The following CTNNA3 variants were observed in gnomAD, a reference collection of about 807,000 sequenced individuals.
CTNNA3 encodes catenin alpha 3.
In CTNNA3, 76 loss-of-function variants were observed where a neutral mutation model predicts 95.7. That is an observed-to-expected ratio of 0.79 (90% CI 0.66 to 0.96). The LOEUF is 0.96. CTNNA3 is among the 40% of genes least tolerant of loss of function. The pLI, the probability that CTNNA3 is intolerant of heterozygous loss-of-function variation, is 0.00. For synonymous variants in CTNNA3, 431 were observed against 374.4 expected (o/e 1.15, Z -1.74); for missense variants, 1,191 against 1,089.8 (o/e 1.09, Z -1.31).
intron 9 of CTNNA3, among the ~76,000 whole-genome samples, chr10:66,688,445 G>A (rs1424486065): frequency 6.6e-6 from 1 of 151,954 alleles, no homozygotes. Context: ...GGAATGTTCT[G>A]CCACCCTCAG....
intron 7 of CTNNA3, among the ~76,000 whole-genome samples, chr10:67,143,134 C>T (rs1028170422): frequency 3.3e-5 from 5 of 151,276 alleles, no homozygotes; most frequent in Non-Finnish European, 7.4e-5. Flanking sequence ...TTGACTCTTT[C>T]TTTCACAAAA....
chr10:67,631,684 T>G (rs953189144), intron 2 of CTNNA3, among the ~76,000 whole-genome samples: 1 of 152,194 alleles, frequency 6.6e-6, no homozygotes, highest in African/African-American at 2.4e-5. Flanking sequence ...ATGTAACTAT[T>G]TCAAATTAAA....
intron 7 of CTNNA3, among the ~76,000 whole-genome samples, chr10:66,965,483 C>G (rs1369670666): frequency 6.7e-6 from 1 of 149,418 alleles, no homozygotes; most frequent in Non-Finnish European, 1.5e-5. Flanking sequence ...TGCAGTGAGC[C>G]GAGATCGCAC....
At chr10:66,887,298 G>T (rs1189404297) in intron 7 of CTNNA3, among the ~76,000 whole-genome samples, 1 of 151,130 alleles carries the variant, frequency 6.6e-6, no homozygotes, top group East Asian at 1.9e-4. Flanking sequence ...GTATCCAAAA[G>T]ATGAATGATG....
At chr10:66,416,426 G>T (rs1382412697) in intron 11 of CTNNA3, among the ~76,000 whole-genome samples, 1 of 151,914 alleles carries the variant, frequency 6.6e-6, no homozygotes, top group African/African-American at 2.4e-5. Flanking sequence ...TCTAGCAAGA[G>T]ATTTAAACAT....
At chr10:67,238,880 T>C (rs943092816) in intron 5 of CTNNA3, among the ~76,000 whole-genome samples, 1 of 152,148 alleles carries the variant, frequency 6.6e-6, no homozygotes, top group Non-Finnish European at 1.5e-5. Context: ...TATCTAGTAG[T>C]ATACAGCACA....
At chr10:67,437,848 A>G (rs2132919874) in intron 5 of CTNNA3, among the ~76,000 whole-genome samples, 2 of 152,184 alleles carry the variant, frequency 1.3e-5, no homozygotes, top group Middle Eastern at 3.4e-3. Flanking sequence ...GAGAAATATG[A>G]AATAAAAGAT....
intron 11 of CTNNA3, among the ~76,000 whole-genome samples, chr10:66,500,544 C>A (rs750404128): frequency 6.6e-6 from 1 of 152,044 alleles, no homozygotes; most frequent in Non-Finnish European, 1.5e-5. Context: ...AATATCTCTA[C>A]CTTCATGAAA....
At chr10:66,327,447 T>C (rs2092268095) in intron 12 of CTNNA3, among the ~76,000 whole-genome samples, 1 of 152,078 alleles carries the variant, frequency 6.6e-6, no homozygotes, top group Non-Finnish European at 1.5e-5. Context: ...CAATTGTTTA[T>C]CACTACCCAT....
At chr10:66,246,805 C>A (rs2090346764) in intron 13 of CTNNA3, among the ~76,000 whole-genome samples, 1 of 151,844 alleles carries the variant, frequency 6.6e-6, no homozygotes, top group African/African-American at 2.4e-5. Context: ...GCAATCCCAG[C>A]ACTTTGGGAG....
At chr10:66,072,762 C>T (rs1333158038) in intron 14 of CTNNA3, among the ~76,000 whole-genome samples, 13 of 152,186 alleles carry the variant, frequency 8.5e-5, no homozygotes, top group East Asian at 5.8e-4. Flanking sequence ...ATCTGCCAAA[C>T]GCGCATCTCC....
intron 10 of CTNNA3, among the ~76,000 whole-genome samples, chr10:66,548,795 T>C (rs1016056987): frequency 1.3e-5 from 2 of 152,006 alleles, no homozygotes; most frequent in African/African-American, 4.8e-5. Flanking sequence ...TTATAATACA[T>C]TTTTAAATGT....
chr10:66,983,611 A>C (rs1363405395), intron 7 of CTNNA3, among the ~76,000 whole-genome samples: 1 of 152,190 alleles, frequency 6.6e-6, no homozygotes, highest in Non-Finnish European at 1.5e-5. Flanking sequence ...ACATAACAAA[A>C]TTGATAAGGA....
chr10:66,230,135 A>G (rs957966359), intron 13 of CTNNA3, among the ~76,000 whole-genome samples: 1 of 151,970 alleles, frequency 6.6e-6, no homozygotes, highest in East Asian at 1.9e-4. Context: ...ATAAGCTATT[A>G]TTTTTTCTTG....
chr10:66,856,895 G>A (rs945778394), intron 7 of CTNNA3, among the ~76,000 whole-genome samples: 3 of 152,038 alleles, frequency 2.0e-5, no homozygotes, highest in African/African-American at 4.8e-5. Context: ...CTGTGCAGAA[G>A]CTCTTTAGTT....
chr10:67,187,525 T>C (rs1862909377), intron 6 of CTNNA3, among the ~76,000 whole-genome samples: 1 of 151,530 alleles, frequency 6.6e-6, no homozygotes, highest in Non-Finnish European at 1.5e-5. Context: ...CTCATCATTT[T>C]CTTTCTCTCT....
intron 1 of CTNNA3, among the ~76,000 whole-genome samples, chr10:67,658,442 T>A (rs1391691928): frequency 1.3e-5 from 2 of 152,292 alleles, no homozygotes; most frequent in African/African-American, 4.8e-5. Context: ...ATAGACCTCA[T>A]AATTATTATT....
chr10:67,454,655 TGAG>T (rs1303217301), intron 5 of CTNNA3, among the ~76,000 whole-genome samples: 1 of 152,118 alleles, frequency 6.6e-6, no homozygotes, highest in East Asian at 1.9e-4. Context: ...CCTTATTAAA[TGAG>T]GAGTGAATTA....
chr10:66,492,823 A>T (rs1220996937), intron 11 of CTNNA3, among the ~76,000 whole-genome samples: 1 of 152,150 alleles, frequency 6.6e-6, no homozygotes, highest in Admixed American at 6.5e-5. Context: ...AAGCATAGTT[A>T]TTATACTCCA....
Sources: gnomAD v4.1 joint callset for allele counts (sites outside exome capture counted in the v4.1 genomes callset) on GRCh38, gnomAD v4.1.1 for gene constraint, MANE v1.5 for transcripts, NCBI Gene and HGNC (gene_info 2026-07-23, HGNC 2026-07-21) for gene names.